Variants in NSUN3 observed in about 807,000 individuals in gnomAD.
NSUN3 encodes the protein tRNA (cytosine(34)-C(5))-methyltransferase, mitochondrial.
A neutral mutation model predicts 36.8 loss-of-function variants in NSUN3; 24 were observed. That is an observed-to-expected ratio of 0.65 (90% CI 0.47 to 0.92). The LOEUF is 0.92. NSUN3 is among the 40% of genes least tolerant of loss of function. NSUN3 has a pLI of 0.00. For synonymous variants in NSUN3, 146 were observed against 145.2 expected, an observed-to-expected ratio of 1.01 and a Z score of -0.04; for missense variants, 381 against 392.8, an observed-to-expected ratio of 0.97 and a Z score of 0.25.
rs1204565737 is a variant in NSUN3 at position 94,108,052 on chromosome 3, G to T, written c.743+12898G>T. Among the ~76,000 whole-genome samples, 3 of 125,264 alleles carry T rather than the reference G, an allele frequency of 2.4e-5. No homozygotes were observed. The South Asian group carries it at 8.1e-4, about 34-fold the overall frequency. 82.2% of individuals were successfully genotyped at this position (125,264 alleles called of 152,430 possible). The stretch of plus-strand genomic sequence containing the variant: ...TTCTATAACATAAAAGTTAGAGGTT[G>T]CTTCAACTATTCTCTACTCAGAATT... On this transcript the variant is annotated intron_variant, in intron 5 of 5. Transcript: ENST00000314622.
At chr3:94,122,855 T>C (rs2077469700) in intron 5 of NSUN3, among the ~76,000 whole-genome samples, 1 of 152,166 alleles carries the variant, frequency 6.6e-6, no homozygotes, top group South Asian at 2.1e-4. Flanking sequence ...TTAAAATCTG[T>C]TCTGTAACAA....
chr3:94,094,885 C>G, intron 4 of NSUN3, 148 bp from the exon 5 acceptor site: 2 of 736,314 alleles, frequency 2.7e-6, no homozygotes, highest in Non-Finnish European at 4.3e-6. Context: ...TAAGGAAAAA[C>G]CTACTGTGGT....
intron 5 of NSUN3, among the ~76,000 whole-genome samples, chr3:94,119,577 T>C (rs772792405): frequency 1.1e-4 from 16 of 150,840 alleles, no homozygotes; most frequent in Non-Finnish European, 1.9e-4. Context: ...TCCTAATAGG[T>C]CACAGACTGG....
In NSUN3 at chr3:94,084,101, T is replaced by A; in HGVS notation, c.123-6T>A. On this transcript the variant is annotated splice_region_variant and splice_polypyrimidine_tract_variant and intron_variant, in intron 2 of 5. Transcript: ENST00000314622. The stretch of plus-strand genomic sequence containing the variant: ...ATTCTCTTATTTTCTCTTTTTCTAT[T>A]TCTAGGGAGATACTAACATCTCCAT... 1 of 1,597,108 alleles carries A rather than the reference T, an allele frequency of 6.3e-7. No individual in the cohort carries two copies. The highest frequency in any genetic ancestry group is 8.6e-7 in the Non-Finnish European group (1 of 1,165,910).
At position 94,084,385 on chromosome 3, in the gene NSUN3, A is replaced by G; in HGVS notation, c.401A>G (p.Lys134Arg). The change falls in exon 3 of 6, where the codon AAG becomes AGG. Residue 134 changes from lysine to arginine, a missense_variant. Physicochemically the swap from Lys to Arg is conservative, Grantham distance 26 (BLOSUM62 2). Coordinates refer to ENST00000314622, the MANE Select transcript of NSUN3 (RefSeq NM_022072.5). Reference sequence around the variant, plus strand: ...GCTCTGGAATTAAGGGATGGGGAGAAGGTTCTGGATCTCTGTGCTGCTCCT... The same window carrying G: ...GCTCTGGAATTAAGGGATGGGGAGAGGGTTCTGGATCTCTGTGCTGCTCCT... The part of the protein sequence containing the change: ...VLALELRDGE[K>R]VLDLCAAPGG... 6.2e-7 allele frequency: 1 copy of G among 1,614,160 alleles called. No individual in the cohort carries two copies. The highest frequency in any genetic ancestry group is 8.5e-7 in the Non-Finnish European group (1 of 1,180,012).
At chr3:94,120,014 AC>A (rs1214116624) in intron 5 of NSUN3, among the ~76,000 whole-genome samples, 1 of 152,294 alleles carries the variant, frequency 6.6e-6, no homozygotes, top group Non-Finnish European at 1.5e-5. Flanking sequence ...AACATTGGCA[AC>A]ATTATAGAAA....
rs1350301375 is a variant in NSUN3, at chr3:94,084,357, T to C, written c.373T>C (p.Leu125=). Residue 125 remains leucine, a synonymous_variant, in exon 3 of 6, where the codon TTG becomes CTG. Transcript: ENST00000314622. The part of the protein sequence containing the change: ...LLNAASLLPV[L]ALELRDGEKV... ...AAATGCTGCTTCTCTTCTCCCAGTG[T>C]TGGCTCTGGAATTAAGGGATGGGGA... 1.9e-6 allele frequency: 3 copies of C among 1,614,010 alleles called. No homozygotes were observed. Among genetic ancestry groups the C allele is most frequent in the Non-Finnish European group, 8.5e-7 (1 of 1,179,982 alleles).
At chr3:94,086,863 T>C (rs1477902662) in intron 3 of NSUN3, among the ~76,000 whole-genome samples, 1 of 152,244 alleles carries the variant, frequency 6.6e-6, no homozygotes, top group African/African-American at 2.4e-5. Flanking sequence ...TTTTATAAGT[T>C]AAAAGGCTTA....
At position 94,127,695 on chromosome 3, in the gene NSUN3, A is replaced by G. The variant is rs1195571239; in HGVS notation, c.*1205A>G. 3 of 152,216 alleles carry G rather than the reference A, an allele frequency of 2.0e-5. No homozygotes were observed. The highest frequency in any genetic ancestry group is 4.4e-5 in the Non-Finnish European group (3 of 68,034). The allele number at this position is 152,216 out of a possible 1,614,324, so 9.4% of individuals were successfully genotyped here. ...TTTGGAAAATAGCCTTTAAAAAAAA[A>G]CAACTTTATCTGATTATAGAAATAC... On this transcript the variant is annotated 3_prime_UTR_variant, in exon 6 of 6. Transcript: ENST00000314622.
At chr3:94,101,632 G>T (rs2077366534) in intron 5 of NSUN3, among the ~76,000 whole-genome samples, 1 of 152,128 alleles carries the variant, frequency 6.6e-6, no homozygotes, top group Admixed American at 6.5e-5. Flanking sequence ...AGATGAGAAT[G>T]AGGGGCAAGG....
chr3:94,077,917 G>A lies in NSUN3; in HGVS notation c.123-6190G>A, dbSNP rs375247464. ...CCTGGATTCATTGATTTTTTTGAAG[G>A]GATTTTCATGTCTCTATCACCTTCA... On this transcript the variant is annotated intron_variant, in intron 2 of 5. Transcript: ENST00000314622. Among the ~76,000 whole-genome samples the A allele has an allele frequency of 1.0e-3, 156 of 152,062 alleles. 3 individuals are homozygous for A. In the South Asian group the frequency reaches 0.031, roughly 30 times the overall value.
chr3:94,078,326 C>A (rs1286147977), intron 2 of NSUN3, among the ~76,000 whole-genome samples: 1 of 152,136 alleles, frequency 6.6e-6, no homozygotes, highest in Admixed American at 6.6e-5. Context: ...GATTTCCATT[C>A]TTTTACATTT....
chr3:94,103,300 C>T (rs2077373370), intron 5 of NSUN3, among the ~76,000 whole-genome samples: 1 of 151,864 alleles, frequency 6.6e-6, no homozygotes, highest in Non-Finnish European at 1.5e-5. Flanking sequence ...GTGGTAAGAC[C>T]TATAATAGAG....
At chr3:94,085,138 TA>T (rs1454878019) in intron 3 of NSUN3, 1 of 152,176 alleles carries the variant, frequency 6.6e-6, no homozygotes, top group East Asian at 1.9e-4. Context: ...GAGAAGAGGG[TA>T]TAGTATTGGA....
At chr3:94,077,613 A>G (rs1434453002) in intron 2 of NSUN3, among the ~76,000 whole-genome samples, 1 of 152,132 alleles carries the variant, frequency 6.6e-6, no homozygotes, top group Non-Finnish European at 1.5e-5. Flanking sequence ...CCTCAATTTC[A>G]GAACTTGTTA....
intron 5 of NSUN3, among the ~76,000 whole-genome samples, chr3:94,110,768 GCATATATATATACACACA>G (rs1350036024): frequency 7.2e-6 from 1 of 139,176 alleles, no homozygotes; most frequent in Non-Finnish European, 1.6e-5. Context: ...ACACACACAC[GCATATATATATACACACA>G]CATATATATG....
At chr3:94,101,131 A>G (rs927901487) in intron 5 of NSUN3, among the ~76,000 whole-genome samples, 2 of 151,988 alleles carry the variant, frequency 1.3e-5, no homozygotes, top group African/African-American at 4.8e-5. Flanking sequence ...AGCTGATACT[A>G]CAGATGCATG....
At chr3:94,063,453 A>G in intron 1 of NSUN3, 1 of 362,406 alleles carries the variant, frequency 2.8e-6, no homozygotes, top group Non-Finnish European at 5.0e-6. Context: ...CATTGAATAC[A>G]CGTTTCTTGG....
intron 2 of NSUN3, chr3:94,076,969 C>T: frequency 1.0e-6 from 1 of 970,500 alleles, no homozygotes; most frequent in South Asian, 1.3e-5. Flanking sequence ...TGTGTGTGTA[C>T]CCAGGACAAG....
Sources: allele counts gnomAD v4.1 joint callset (sites outside exome capture counted in the v4.1 genomes callset), GRCh38; gene constraint gnomAD v4.1.1; transcripts MANE v1.5; gene names NCBI Gene and HGNC (gene_info 2026-07-23, HGNC 2026-07-21).